Variants in NPAS3 observed in about 807,000 individuals in gnomAD.
The protein encoded by NPAS3 is neuronal PAS domain-containing protein 3.
A neutral mutation model predicts 73.1 loss-of-function variants in NPAS3; 14 were observed. The observed-to-expected ratio is 0.19, with a 90% confidence interval of 0.13 to 0.30. NPAS3 has a LOEUF of 0.30. Among genes scored for constraint, NPAS3 ranks in the 10% least tolerant of loss-of-function variants. The pLI, the probability that NPAS3 is intolerant of heterozygous loss-of-function variation, is 1.00. For synonymous variants in NPAS3, 620 were observed against 541.5 expected, an observed-to-expected ratio of 1.14 and a Z score of -2.01; for missense variants, 1,096 against 1,250.0, an observed-to-expected ratio of 0.88 and a Z score of 1.86.
At chr14:33,155,476 G>A (rs529833681) in intron 2 of NPAS3, among the ~76,000 whole-genome samples, 5 of 152,284 alleles carry the variant, frequency 3.3e-5, no homozygotes, top group South Asian at 2.1e-4. Flanking sequence ...CTGCAGCTTC[G>A]AATTCCTGGG....
At chr14:33,264,971 T>C (rs932201122) in intron 3 of NPAS3, among the ~76,000 whole-genome samples, 1 of 152,182 alleles carries the variant, frequency 6.6e-6, no homozygotes, top group Non-Finnish European at 1.5e-5. Flanking sequence ...ACTGGTCATA[T>C]TTCTTGAGGT....
intron 3 of NPAS3, 157 bp downstream of exon 3, chr14:33,215,583 T>C: frequency 2.3e-6 from 2 of 857,186 alleles, no homozygotes; most frequent in Non-Finnish European, 4.0e-6. Flanking sequence ...AGACACCATG[T>C]GAAGGTGAAA....
intron 5 of NPAS3, among the ~76,000 whole-genome samples, chr14:33,594,147 A>C (rs560930839): frequency 6.6e-6 from 1 of 152,314 alleles, no homozygotes; most frequent in African/African-American, 2.4e-5. Flanking sequence ...TAAAATTATC[A>C]GGTGCTCAAG....
chr14:33,586,952 A>G lies in NPAS3; in HGVS notation c.558+26742A>G, dbSNP rs935916021. ...CTGAGATGCAGTAAAAGACAAGAGG[A>G]GTCTGCACAGTGAGAGTTCCGTGAT... On this transcript the variant is annotated intron_variant, in intron 5 of 11. Transcript: ENST00000356141. 1.3e-5 allele frequency among the ~76,000 whole-genome samples: 2 copies of G among 152,282 alleles called. 1 individual carries two copies. The highest frequency in any genetic ancestry group is 4.1e-4 in the South Asian group (2 of 4,820).
In NPAS3 at chr14:33,741,361, T is replaced by TATGC. The variant is rs575135112; in HGVS notation, c.852+6032_852+6035dup. On this transcript the variant is annotated intron_variant, in intron 7 of 11. Coordinates refer to ENST00000356141, the Ensembl canonical transcript of NPAS3. ...TCAACCCATTCAGAGTTTCTAAGGC[T>TATGC]ATGCATTTATTGCCTTTCAATCAAC... Among the ~76,000 whole-genome samples, 45 of 152,312 alleles carry TATGC rather than the reference T, an allele frequency of 3.0e-4. 3 individuals carry two copies. In the East Asian group the frequency reaches 6.0e-3, roughly 20 times the overall value.
intron 1 of NPAS3, among the ~76,000 whole-genome samples, chr14:33,042,591 A>C (rs1207956146): frequency 3.3e-5 from 5 of 152,194 alleles, no homozygotes; most frequent in African/African-American, 1.2e-4. Flanking sequence ...AATTATGTCC[A>C]TTATTGTCTT....
intron 4 of NPAS3, among the ~76,000 whole-genome samples, chr14:33,556,139 G>A (rs887542793): frequency 2.6e-5 from 4 of 152,098 alleles, no homozygotes; most frequent in African/African-American, 9.7e-5. Flanking sequence ...CAGATGTTTA[G>A]CCTCCAGATA....
At chr14:33,410,186 G>A (rs1322131903) in intron 4 of NPAS3, among the ~76,000 whole-genome samples, 1 of 152,068 alleles carries the variant, frequency 6.6e-6, no homozygotes, top group African/African-American at 2.4e-5. Context: ...GTCTTTCTGT[G>A]GTTAAAATTT....
At chr14:33,007,941 T>G (rs1357759040) in intron 1 of NPAS3, among the ~76,000 whole-genome samples, 1 of 152,160 alleles carries the variant, frequency 6.6e-6, no homozygotes, top group Non-Finnish European at 1.5e-5. Context: ...CCGGTTCTAG[T>G]GTGAGGATAG....
intron 2 of NPAS3, among the ~76,000 whole-genome samples, chr14:33,133,232 T>C (rs2139121269): frequency 6.6e-6 from 1 of 152,172 alleles, no homozygotes; most frequent in Non-Finnish European, 1.5e-5. Flanking sequence ...AATCAGAATC[T>C]CTTATGAAGG....
At chr14:33,215,377 T>A (rs766613942) in exon 3 of NPAS3, 10 of 1,613,696 alleles carry the variant, frequency 6.2e-6, no homozygotes, top group Non-Finnish European at 8.5e-6. Context: ...AGGGGGACCC[T>A]CCGTGGAACT....
At chr14:33,092,701 C>T (rs1182901140) in intron 2 of NPAS3, among the ~76,000 whole-genome samples, 1 of 152,180 alleles carries the variant, frequency 6.6e-6, no homozygotes, top group Non-Finnish European at 1.5e-5. Flanking sequence ...AGGCATCACA[C>T]TACCTGACTT....
intron 4 of NPAS3, among the ~76,000 whole-genome samples, chr14:33,530,925 T>G (rs1011909657): frequency 6.6e-6 from 1 of 152,066 alleles, no homozygotes; most frequent in Non-Finnish European, 1.5e-5. Context: ...GGTGAGGAAC[T>G]GCACATGGTT....
At chr14:33,612,689 A>G (rs2057789127) in intron 5 of NPAS3, 1 of 348,914 alleles carries the variant, frequency 2.9e-6, no homozygotes, top group Non-Finnish European at 5.7e-6. Context: ...CAAACTTTAC[A>G]TTTGTGAAAA....
At chr14:33,543,999 A>ATATATATATC (rs2054659282) in intron 4 of NPAS3, among the ~76,000 whole-genome samples, 1 of 64,198 alleles carries the variant, frequency 1.6e-5, no homozygotes, top group Non-Finnish European at 2.9e-5. Context: ...ATATATATAT[A>ATATATATATC]TATCTATATC....
chr14:33,767,944 A>C (rs1173992719), intron 7 of NPAS3, among the ~76,000 whole-genome samples: 1 of 152,240 alleles, frequency 6.6e-6, no homozygotes, highest in Non-Finnish European at 1.5e-5. Context: ...TGGCAGGAAC[A>C]GAAATATACA....
chr14:33,577,921 C>A (rs556207860), intron 5 of NPAS3, among the ~76,000 whole-genome samples: 24 of 152,312 alleles, frequency 1.6e-4, no homozygotes, highest in African/African-American at 5.3e-4. Flanking sequence ...AATCCTCCCC[C>A]CAATTCCAAA....
rs10147146 is a variant in NPAS3 at position 33,363,493 on chromosome 14, C to T, written c.386-3693C>T. Among the ~76,000 whole-genome samples, 533 of 152,240 alleles carry T rather than the reference C, an allele frequency of 3.5e-3. 2 individuals carry two copies. Among genetic ancestry groups the T allele is most frequent in the African/African-American group, 0.011 (446 of 41,538 alleles). On this transcript the variant is annotated intron_variant, in intron 3 of 11. Transcript: ENST00000356141. ...GGATTTCTGAGACAATCAGAATTTT[C>T]CTAGATGATTTTTTAAAAAACCAAT... is the stretch of plus-strand genomic sequence containing the variant.
At chr14:33,579,796 C>A (rs1595198786) in intron 5 of NPAS3, among the ~76,000 whole-genome samples, 1 of 151,590 alleles carries the variant, frequency 6.6e-6, no homozygotes, top group East Asian at 1.9e-4. Context: ...TTCAAAGCTG[C>A]CAAAGTTGGA....
Sources: gnomAD v4.1 joint callset for allele counts (sites outside exome capture counted in the v4.1 genomes callset) on GRCh38, gnomAD v4.1.1 for gene constraint, MANE v1.5 for transcripts, NCBI Gene and HGNC (gene_info 2026-07-23, HGNC 2026-07-21) for gene names.